Variants in BGN observed in about 807,000 individuals in gnomAD.
BGN encodes bone/cartilage proteoglycan-I.
A neutral mutation model predicts 20.0 loss-of-function variants in BGN; 6 were observed. The ratio of observed to expected loss-of-function variants is 0.30; its 90% confidence interval spans 0.16 to 0.59. The LOEUF is 0.59. Among genes scored for constraint, BGN ranks in the 20% least tolerant of loss-of-function variants. BGN has a pLI of 0.88. For missense variants in BGN, 292 were observed against 312.1 expected, an observed-to-expected ratio of 0.94 and a Z score of 0.49; for synonymous variants, 146 against 134.6, an observed-to-expected ratio of 1.08 and a Z score of -0.59.
intron 1 of BGN, among the ~76,000 whole-genome samples, chrX:153,500,927 CAT>C (rs1379480985): frequency 2.8e-5 from 3 of 108,712 alleles, no homozygotes; most frequent in Non-Finnish European, 3.8e-5. Flanking sequence ...ATATGTGTAT[CAT>C]ATGTGTATGT....
At chrX:153,502,160 C>G (rs2089765153) in intron 1 of BGN, among the ~76,000 whole-genome samples, 1 of 112,347 alleles carries the variant, frequency 8.9e-6, no homozygotes, top group Non-Finnish European at 1.9e-5. Context: ...CTGGGGGGCT[C>G]CAAGCTGGCC....
In BGN at chrX:153,507,629, A is replaced by G. The variant is rs1364674821; in HGVS notation, c.909+444A>G. 3.5e-5 allele frequency among the ~76,000 whole-genome samples: 4 copies of G among 113,038 alleles called. No homozygotes were observed. The East Asian group carries it at 1.1e-3, about 32-fold the overall frequency. On this transcript the variant is annotated intron_variant, in intron 7 of 7. Transcript: ENST00000331595. ...TCTTGGTCTTGCCCAGCCCTGCTCCATCCACAAGTGTTTGGAGCACCCCCA... is the reference window on the plus strand; with the variant it reads ...TCTTGGTCTTGCCCAGCCCTGCTCCGTCCACAAGTGTTTGGAGCACCCCCA...
intron 5 of BGN, 79 bp downstream of exon 5, chrX:153,506,718 G>A (rs782207937): frequency 8.8e-7 from 1 of 1,141,196 alleles, no homozygotes; most frequent in South Asian, 1.8e-5. Flanking sequence ...GCTCTGGATG[G>A]GCCCGATCTA....
At chrX:153,506,158 T>C in intron 4 of BGN, 82 bp downstream of exon 4, 1 of 975,264 alleles carries the variant, frequency 1.0e-6, no homozygotes, top group Non-Finnish European at 1.4e-6. Context: ...CTTTAGAGGC[T>C]CAGTTCAAGA....
intron 3 of BGN, among the ~76,000 whole-genome samples, chrX:153,505,570 T>G (rs2089794109): frequency 8.9e-6 from 1 of 112,060 alleles, no homozygotes; most frequent in Non-Finnish European, 1.9e-5. Flanking sequence ...TCGGCTCCCT[T>G]CGTGGCTGAA....
chrX:153,506,552 A>G lies in BGN; in HGVS notation c.589A>G (p.Asn197Asp), dbSNP rs782374654. 1.7e-6 allele frequency: 2 copies of G among 1,209,230 alleles called. No individual in the cohort carries two copies. The highest frequency in any genetic ancestry group is 2.2e-6 in the Non-Finnish European group (2 of 894,713). Residue 197 changes from asparagine to aspartate, a missense_variant, in exon 5 of 8, where the codon AAC (asparagine) becomes GAC (aspartate). Coordinates refer to ENST00000331595, the MANE Select transcript of BGN (RefSeq NM_001711.6). ...AGAGATGGGCGGGAACCCACTGGAG[A>G]ACAGTGGCTTTGAACCTGGAGCCTT... ...CIEMGGNPLE[N>D]SGFEPGAFDG...
intron 1 of BGN, among the ~76,000 whole-genome samples, chrX:153,500,909 A>G (rs1390574021): frequency 1.8e-5 from 2 of 108,809 alleles, no homozygotes; most frequent in South Asian, 4.0e-4. Flanking sequence ...CTGTGTATAT[A>G]TGTGTGTATA....
At chrX:153,506,426 C>A in intron 4 of BGN, 103 bp from the exon 5 acceptor site, 1 of 735,338 alleles carries the variant, frequency 1.4e-6, no homozygotes. Flanking sequence ...GAGACGGGAG[C>A]AGCCGGCAGG....
rs781916334 is a variant in BGN, at chrX:153,503,153, G to C, written c.-11-1468G>C. On this transcript the variant is annotated intron_variant, in intron 1 of 7. Coordinates refer to ENST00000331595, the MANE Select transcript of BGN (RefSeq NM_001711.6). The stretch of plus-strand genomic sequence containing the variant: ...GCAAGGACTCCAAAGCGGCAGCCCC[G>C]GGCAGCCAGCCCAGCCCCCAGGGCA... Among the ~76,000 whole-genome samples the C allele has an allele frequency of 1.5e-4, 17 of 112,814 alleles. No homozygotes were observed. In the East Asian group the frequency reaches 4.8e-3, roughly 32 times the overall value.
intron 1 of BGN, among the ~76,000 whole-genome samples, chrX:153,501,192 GTGTT>G (rs1418209297): frequency 2.7e-5 from 3 of 112,484 alleles, no homozygotes; most frequent in Admixed American, 1.9e-4. Flanking sequence ...ATCTGTGTGT[GTGTT>G]TGTGTGTGTA....
rs782093507 is a variant in BGN at position 153,507,825 on chromosome X, G to T, written c.910-423G>T. Among the ~76,000 whole-genome samples the T allele has an allele frequency of 7.9e-5, 9 of 113,594 alleles. No homozygotes were observed. The South Asian group carries it at 2.5e-3, about 32-fold the overall frequency. On this transcript the variant is annotated intron_variant, in intron 7 of 7. Transcript: ENST00000331595. Reference sequence around the variant, plus strand: ...GAGACAGCAAGACGGTGGCTCCAGAGAGTTGGAGGGGCTGCTAGAGGGCGA... The same window carrying T: ...GAGACAGCAAGACGGTGGCTCCAGATAGTTGGAGGGGCTGCTAGAGGGCGA...
rs782180400 is a variant in BGN at position 153,507,084 on chromosome X, A to G, written c.808A>G (p.Asn270Asp). 4 of 1,209,274 alleles carry G rather than the reference A, an allele frequency of 3.3e-6. No homozygotes were observed. The highest frequency in any genetic ancestry group is 4.5e-6 in the Non-Finnish European group (4 of 894,168). ...LGHNQIRMIE[N>D]GSLSFLPTLR... ...CCACAACCAGATCAGGATGATCGAG[A>G]ACGGGAGCCTGAGCTTCCTGCCCAC... The change falls in exon 7 of 8, where the codon AAC (asparagine) becomes GAC (aspartate). Residue 270 changes from asparagine (N) to aspartate (D), a missense_variant. Asn to Asp is a conservative substitution (Grantham distance 23). Transcript: ENST00000331595.
Position 153,506,069 on chromosome X carries a change from C to A in BGN, c.558C>A (p.Asn186Lys). 1 of 1,210,548 alleles carries A rather than the reference C, an allele frequency of 8.3e-7. No individual in the cohort carries two copies. The highest frequency in any genetic ancestry group is 1.1e-6 in the Non-Finnish European group (1 of 894,479). ...TGTTCAGCGGGCTCCGGAACATGAA[C>A]TGCATCGGTGAGCTGAGGGCCTCCC... ...KGVFSGLRNM[N>K]CIEMGGNPLE... Residue 186 changes from asparagine (N) to lysine (K), a missense_variant, in exon 4 of 8, where the codon AAC becomes AAA. By Grantham distance (94) the Asn-to-Lys change is moderately conservative. Coordinates refer to ENST00000331595, the MANE Select transcript of BGN (RefSeq NM_001711.6).
intron 6 of BGN, 52 bp downstream of exon 6, chrX:153,506,975 G>A: frequency 8.3e-7 from 1 of 1,207,010 alleles, no homozygotes; most frequent in Non-Finnish European, 1.1e-6. Context: ...CCTCAGTGCT[G>A]TGTGGCCCCT....
intron 7 of BGN, 75 bp from the exon 8 acceptor site, chrX:153,508,173 A>C (rs1026097964): frequency 9.0e-6 from 10 of 1,107,092 alleles, no homozygotes; most frequent in Non-Finnish European, 7.4e-6. Context: ...AGGCAACAGC[A>C]AAATGCCTCC....
chrX:153,503,074 G>T, intron 1 of BGN, among the ~76,000 whole-genome samples: 1 of 113,135 alleles, frequency 8.8e-6, no homozygotes, highest in Non-Finnish European at 1.9e-5. Flanking sequence ...TCCTGGGCTT[G>T]TGCTCAGACC....
intron 6 of BGN, 52 bp downstream of exon 6, chrX:153,506,975 G>T (rs782219003): frequency 1.4e-4 from 169 of 1,205,611 alleles, no homozygotes; most frequent in Non-Finnish European, 1.8e-4. Flanking sequence ...CCTCAGTGCT[G>T]TGTGGCCCCT....
intron 5 of BGN, 90 bp from the exon 6 acceptor site, chrX:153,506,740 G>T: frequency 8.7e-7 from 1 of 1,147,979 alleles, no homozygotes; most frequent in Non-Finnish European, 1.2e-6. Context: ...TCAGGGAAAG[G>T]CTCAACAGTC....
chrX:153,506,160 A>C, intron 4 of BGN, 84 bp downstream of exon 4: 41 of 944,991 alleles, frequency 4.3e-5, no homozygotes, highest in Non-Finnish European at 6.1e-5. Context: ...TTAGAGGCTC[A>C]GTTCAAGAAA....
Sources: gnomAD v4.1 joint callset for allele counts (sites outside exome capture counted in the v4.1 genomes callset) on GRCh38, gnomAD v4.1.1 for gene constraint, MANE v1.5 for transcripts, NCBI Gene and HGNC (gene_info 2026-07-23, HGNC 2026-07-21) for gene names.